NGLY1: variants seen among roughly 807,000 people sequenced by gnomAD.
The protein encoded by NGLY1 is peptide-N(4)-(N-acetyl-beta-glucosaminyl)asparagine amidase.
NGLY1 carries 68 observed loss-of-function variants against 84.6 expected under a neutral mutation model. That is an observed-to-expected ratio of 0.80 (90% CI 0.66 to 0.98). NGLY1 has a LOEUF of 0.98. Ranked by LOEUF, NGLY1 falls within the 50% of genes least tolerant of loss-of-function variation. The probability of loss-of-function intolerance (pLI) is 0.00; values close to 1 mark genes in which losing one functional copy is unlikely to be tolerated. For synonymous variants in NGLY1, 280 were observed against 275.2 expected, an observed-to-expected ratio of 1.02 and a Z score of -0.17; for missense variants, 779 against 770.2, an observed-to-expected ratio of 1.01 and a Z score of -0.14.
intron 2 of NGLY1, among the ~76,000 whole-genome samples, chr3:25,771,879 T>C (rs1707913159): frequency 6.6e-6 from 1 of 152,218 alleles, no homozygotes; most frequent in South Asian, 2.1e-4. Flanking sequence ...TACATTAATT[T>C]TGTATCCTGA....
rs768128267 is a variant in NGLY1 at position 25,719,615 on chromosome 3, C to T, written c.1810G>A (p.Ala604Thr). ...ACTTCAGTGGCACCAGAAAAATCAG[C>T]ATAGGAGTGAAGACTGTTATCTGTT... is the stretch of plus-strand genomic sequence containing the variant. ...LTGDNSLHSY[A>T]DFSGATEVIL... The change falls in exon 12 of 12, where the codon GCT (alanine) becomes ACT (threonine). Residue 604 changes from alanine (A) to threonine (T), a missense_variant. Transcript: ENST00000280700. The T allele has an allele frequency of 6.2e-7, 1 of 1,612,894 alleles. No homozygotes were observed. The highest frequency in any genetic ancestry group is 8.5e-7 in the Non-Finnish European group (1 of 1,179,442).
At chr3:25,774,764 C>T (rs992284959) in intron 2 of NGLY1, among the ~76,000 whole-genome samples, 1 of 152,088 alleles carries the variant, frequency 6.6e-6, no homozygotes, top group African/African-American at 2.4e-5. Context: ...TCTCCGTCTG[C>T]CTTGGCTTCT....
At chr3:25,755,591 C>G in intron 3 of NGLY1, 1 of 1,460,690 alleles carries the variant, frequency 6.8e-7, no homozygotes, top group Non-Finnish European at 9.6e-7. Flanking sequence ...TTATTCCCAT[C>G]AACATGGTTT....
At chr3:25,764,416 C>T in intron 2 of NGLY1, 105 bp from the exon 3 acceptor site, 1 of 1,204,264 alleles carries the variant, frequency 8.3e-7, no homozygotes, top group Non-Finnish European at 1.2e-6. Context: ...ATATAGAATG[C>T]ATGTTTCTAA....
intron 10 of NGLY1, among the ~76,000 whole-genome samples, chr3:25,722,074 C>T (rs1323768915): frequency 6.6e-6 from 1 of 151,722 alleles, no homozygotes; most frequent in Non-Finnish European, 1.5e-5. Flanking sequence ...CAAAATTAGC[C>T]GGGCATGTTA....
chr3:25,762,661 T>C (rs1374547541), intron 3 of NGLY1, among the ~76,000 whole-genome samples: 1 of 152,080 alleles, frequency 6.6e-6, no homozygotes. Context: ...GATTAAGAAC[T>C]TAAAAAAAGG....
intron 5 of NGLY1, among the ~76,000 whole-genome samples, chr3:25,737,958 T>C (rs1276868552): frequency 6.6e-6 from 1 of 152,204 alleles, no homozygotes; most frequent in Non-Finnish European, 1.5e-5. Context: ...TTCACAATCC[T>C]GAGGAAAGGG....
chr3:25,778,925 C>CTTTTT (rs565447910), intron 1 of NGLY1, among the ~76,000 whole-genome samples: 13 of 54,694 alleles, frequency 2.4e-4, no homozygotes, highest in African/African-American at 6.6e-4. Flanking sequence ...AAGATACATT[C>CTTTTT]TTTTTTTTTT....
At chr3:25,750,276 C>A (rs1377756190) in intron 4 of NGLY1, among the ~76,000 whole-genome samples, 2 of 152,138 alleles carry the variant, frequency 1.3e-5, no homozygotes, top group Non-Finnish European at 2.9e-5. Context: ...ACTGGTCCCA[C>A]CCTTGACACA....
At chr3:25,741,311 C>T (rs1338105220) in intron 4 of NGLY1, among the ~76,000 whole-genome samples, 1 of 151,682 alleles carries the variant, frequency 6.6e-6, no homozygotes, top group Non-Finnish European at 1.5e-5. Flanking sequence ...GAAGAATAAA[C>T]AGATCAATGA....
At chr3:25,733,465 ACG>A (rs1491218689) in intron 8 of NGLY1, among the ~76,000 whole-genome samples, 1 of 108,576 alleles carries the variant, frequency 9.2e-6, no homozygotes, top group Non-Finnish European at 1.7e-5. Flanking sequence ...CCTCACATGG[ACG>A]TGTGTGTGTG....
Position 25,730,758 on chromosome 3 carries a change from T to C in NGLY1, c.1426-1440A>G, listed in dbSNP as rs140104619. On this transcript the variant is annotated intron_variant, in intron 9 of 11. Transcript: ENST00000280700. ...TGATAATTCACTCCTTTAAAACATA[T>C]TCTGTTACTAGAGAAATGAACTGTA... Among the ~76,000 whole-genome samples, 316 of 152,258 alleles carry C rather than the reference T, an allele frequency of 2.1e-3. 2 individuals are homozygous for C. Among genetic ancestry groups the C allele is most frequent in the African/African-American group, 7.2e-3 (299 of 41,566 alleles).
intron 3 of NGLY1, chr3:25,755,712 A>T (rs1707004990): frequency 1.5e-6 from 2 of 1,338,740 alleles, no homozygotes; most frequent in African/African-American, 1.5e-5. Flanking sequence ...GCATTTCAAA[A>T]GGAAAGCTGG....
chr3:25,732,226 T>A, intron 9 of NGLY1, 93 bp downstream of exon 9: 2 of 1,123,422 alleles, frequency 1.8e-6, no homozygotes, highest in Non-Finnish European at 2.5e-6. Flanking sequence ...AACTGAAAGG[T>A]CATAGTCAAT....
At chr3:25,790,002 C>G in exon 1 of NGLY1, 2 of 1,092,736 alleles carry the variant, frequency 1.8e-6, no homozygotes, top group Non-Finnish European at 2.7e-6. Flanking sequence ...AGTCAACCGG[C>G]GGAAAGAGAG....
chr3:25,754,835 C>A (rs1271709104), intron 3 of NGLY1: 1 of 539,802 alleles, frequency 1.9e-6, no homozygotes, highest in South Asian at 2.1e-5. Context: ...GCACTTGAAC[C>A]ACTTGCAGCA....
At chr3:25,763,494 G>A (rs1707411997) in intron 3 of NGLY1, among the ~76,000 whole-genome samples, 2 of 152,156 alleles carry the variant, frequency 1.3e-5, no homozygotes, top group Non-Finnish European at 2.9e-5. Context: ...ATCTCAGGGA[G>A]GGGCATAAAA....
intron 3 of NGLY1, chr3:25,755,001 T>C (rs1455050660): frequency 1.8e-5 from 15 of 847,178 alleles, no homozygotes; most frequent in East Asian, 1.2e-4. Flanking sequence ...TCGAAGGATA[T>C]GGGAATCACA....
intron 3 of NGLY1, among the ~76,000 whole-genome samples, chr3:25,753,754 A>AG (rs796314798): frequency 2.0e-5 from 3 of 152,288 alleles, no homozygotes; most frequent in African/African-American, 7.2e-5. Flanking sequence ...CAGGGAGAAA[A>AG]GAAAAAAAAG....
Sources: gnomAD v4.1 joint callset for allele counts (sites outside exome capture counted in the v4.1 genomes callset) on GRCh38, gnomAD v4.1.1 for gene constraint, MANE v1.5 for transcripts, NCBI Gene and HGNC (gene_info 2026-07-23, HGNC 2026-07-21) for gene names.